Variants in SCAPER observed in about 807,000 individuals in gnomAD.
SCAPER encodes S-phase cyclin A associated protein in the ER.
Under a neutral mutation model 182.2 loss-of-function variants are expected in SCAPER, and 98 were observed. That is an observed-to-expected ratio of 0.54 (90% confidence interval 0.46 to 0.64). The LOEUF is 0.64. Ranked by LOEUF, SCAPER falls within the 30% of genes least tolerant of loss-of-function variation. The pLI is 0.00. For synonymous variants in SCAPER, 605 were observed against 564.6 expected (o/e 1.07, Z -1.01); for missense variants, 1,432 against 1,690.0 (o/e 0.85, Z 2.68).
chr15:76,639,674 G>A (rs973778112), intron 21 of SCAPER, among the ~76,000 whole-genome samples: 7 of 150,380 alleles, frequency 4.7e-5, no homozygotes, highest in Admixed American at 3.3e-4. Context: ...CTTACACCCC[G>A]CCCCGTTGCT....
intron 15 of SCAPER, among the ~76,000 whole-genome samples, chr15:76,752,801 T>A (rs1436272781): frequency 4.6e-5 from 7 of 151,672 alleles, no homozygotes; most frequent in African/African-American, 1.7e-4. Flanking sequence ...AGATACATGG[T>A]GGTGATGACT....
intron 20 of SCAPER, among the ~76,000 whole-genome samples, chr15:76,679,118 C>T (rs1418160142): frequency 1.3e-5 from 2 of 152,096 alleles, no homozygotes; most frequent in Admixed American, 1.3e-4. Flanking sequence ...TATCCACAGA[C>T]AGTATTCAAA....
intron 23 of SCAPER, among the ~76,000 whole-genome samples, chr15:76,531,715 A>C (rs2043682119): frequency 6.6e-6 from 1 of 152,072 alleles, no homozygotes; most frequent in Non-Finnish European, 1.5e-5. Flanking sequence ...GCACCTACTT[A>C]ATGAAATTGC....
chr15:76,599,594 A>T (rs1210365928), intron 22 of SCAPER, among the ~76,000 whole-genome samples: 1 of 122,362 alleles, frequency 8.2e-6, no homozygotes, highest in Non-Finnish European at 2.0e-5. Flanking sequence ...ACACAAAAAC[A>T]TGCTGAATGA....
chr15:76,846,498 A>C (rs2070103962), intron 4 of SCAPER, among the ~76,000 whole-genome samples: 1 of 152,166 alleles, frequency 6.6e-6, no homozygotes, highest in African/African-American at 2.4e-5. Flanking sequence ...AAAACAACTC[A>C]ATAGGAAAAA....
chr15:76,817,950 G>A (rs2067222149), intron 5 of SCAPER, among the ~76,000 whole-genome samples: 1 of 152,142 alleles, frequency 6.6e-6, no homozygotes. Flanking sequence ...AGCAAGTTAA[G>A]CTGATTCTAA....
At chr15:76,436,653 TTTTG>T (rs970285175) in intron 25 of SCAPER, among the ~76,000 whole-genome samples, 1 of 152,098 alleles carries the variant, frequency 6.6e-6, no homozygotes, top group African/African-American at 2.4e-5. Context: ...ATGGTCTCTG[TTTTG>T]TTTGAGGTTT....
intron 17 of SCAPER, among the ~76,000 whole-genome samples, chr15:76,721,214 T>C (rs2060218342): frequency 6.6e-6 from 1 of 152,212 alleles, no homozygotes; most frequent in Non-Finnish European, 1.5e-5. Context: ...TTTCTCAGGT[T>C]TGTCAAAGAT....
At chr15:76,626,534 T>C (rs2052589047) in intron 21 of SCAPER, among the ~76,000 whole-genome samples, 1 of 152,044 alleles carries the variant, frequency 6.6e-6, no homozygotes, top group African/African-American at 2.4e-5. Flanking sequence ...CTGGCCAACA[T>C]GGCAAATCCC....
intron 8 of SCAPER, 83 bp downstream of exon 8, chr15:76,795,195 TAA>T (rs1422606064): frequency 1.4e-5 from 17 of 1,226,718 alleles, no homozygotes; most frequent in Non-Finnish European, 1.8e-5. Context: ...TACAAAAAGA[TAA>T]ATAGGACCAA....
intron 23 of SCAPER, among the ~76,000 whole-genome samples, chr15:76,551,758 A>C (rs967557279): frequency 6.6e-6 from 1 of 152,194 alleles, no homozygotes; most frequent in African/African-American, 2.4e-5. Context: ...AACTACACTG[A>C]TTTCATCAGT....
intron 21 of SCAPER, among the ~76,000 whole-genome samples, chr15:76,657,590 A>AC (rs1008122000): frequency 6.8e-5 from 10 of 148,014 alleles, no homozygotes; most frequent in East Asian, 2.0e-4. Flanking sequence ...CACAACAACA[A>AC]AAAAAAAAAA....
chr15:76,467,488 T>C (rs2049780938), intron 25 of SCAPER, among the ~76,000 whole-genome samples: 1 of 151,404 alleles, frequency 6.6e-6, no homozygotes, highest in Admixed American at 6.6e-5. Context: ...TTGCTGAGAC[T>C]GCAGTGCAGT....
In SCAPER at chr15:76,766,129, C is replaced by T. The variant is rs545089994; in HGVS notation, c.1420-491G>A. Among the ~76,000 whole-genome samples, 43 of 152,024 alleles carry T rather than the reference C, an allele frequency of 2.8e-4. 2 individuals carry two copies. The highest frequency in any genetic ancestry group is 3.4e-3 in the Middle Eastern group (1 of 294). ...TATTTATTTTTAAGATGGAGTCTCA[C>T]TCTGTCGCCCAGGCTGGAGTGCAGT... is the stretch of plus-strand genomic sequence containing the variant. On this transcript the variant is annotated intron_variant, in intron 11 of 31. Coordinates refer to ENST00000563290, the MANE Select transcript of SCAPER (RefSeq NM_020843.4).
chr15:76,433,503 C>A (rs574906971), intron 26 of SCAPER, among the ~76,000 whole-genome samples: 23 of 152,050 alleles, frequency 1.5e-4, no homozygotes, highest in Admixed American at 1.4e-3. Flanking sequence ...ATAGAAAAAA[C>A]AACAACAACA....
chr15:76,359,961 G>A (rs937362415), intron 29 of SCAPER, among the ~76,000 whole-genome samples: 28 of 152,150 alleles, frequency 1.8e-4, no homozygotes, highest in Admixed American at 1.7e-3. Context: ...AAATACAGAT[G>A]GCAGATTTTG....
At chr15:76,537,956 C>A (rs2044333173) in intron 23 of SCAPER, among the ~76,000 whole-genome samples, 1 of 151,566 alleles carries the variant, frequency 6.6e-6, no homozygotes, top group Non-Finnish European at 1.5e-5. Flanking sequence ...CCAAAAGACA[C>A]ATGAAAAAAT....
chr15:76,522,268 G>C (rs900793493), intron 23 of SCAPER, among the ~76,000 whole-genome samples: 2 of 152,072 alleles, frequency 1.3e-5, no homozygotes, highest in African/African-American at 4.8e-5. Context: ...CAGAGACAGA[G>C]AGCAAGTACC....
At chr15:76,626,836 G>C (rs1597787065) in intron 21 of SCAPER, among the ~76,000 whole-genome samples, 1 of 152,186 alleles carries the variant, frequency 6.6e-6, no homozygotes, top group East Asian at 1.9e-4. Flanking sequence ...TTAAAAGTCA[G>C]GTGGTCTCCA....
Sources: gnomAD v4.1 joint callset for allele counts (sites outside exome capture counted in the v4.1 genomes callset) on GRCh38, gnomAD v4.1.1 for gene constraint, MANE v1.5 for transcripts, NCBI Gene and HGNC (gene_info 2026-07-23, HGNC 2026-07-21) for gene names.